RASGEF1A: variants seen among roughly 807,000 people sequenced by gnomAD.
RASGEF1A encodes the protein RasGEF domain family member 1A, also known as ras-GEF domain-containing family member 1A.
A neutral mutation model predicts 56.4 loss-of-function variants in RASGEF1A; 18 were observed. The observed-to-expected ratio is 0.32, with a 90% CI of 0.22 to 0.47. The LOEUF is 0.47. Ranked by LOEUF, RASGEF1A falls within the 20% of genes least tolerant of loss-of-function variation. The pLI, the probability that RASGEF1A is intolerant of heterozygous loss-of-function variation, is 1.00. For missense variants in RASGEF1A, 422 were observed against 627.1 expected (o/e 0.67, Z 3.49); for synonymous variants, 245 against 242.6 (o/e 1.01, Z -0.09).
At chr10:43,246,460 C>A (rs1046419881) in intron 1 of RASGEF1A, among the ~76,000 whole-genome samples, 1 of 152,190 alleles carries the variant, frequency 6.6e-6, no homozygotes, top group East Asian at 1.9e-4. Context: ...CTGGAACAAC[C>A]AAAACAGTCT....
intron 1 of RASGEF1A, among the ~76,000 whole-genome samples, chr10:43,237,221 G>A (rs1049027376): frequency 6.6e-5 from 10 of 152,200 alleles, no homozygotes; most frequent in Admixed American, 6.5e-4. Flanking sequence ...CTGCTCTATG[G>A]AAATTGGAGG....
At chr10:43,215,075 C>G (rs1840117635) in intron 1 of RASGEF1A, among the ~76,000 whole-genome samples, 2 of 152,224 alleles carry the variant, frequency 1.3e-5, no homozygotes, top group Non-Finnish European at 2.9e-5. Context: ...GACATGTGGA[C>G]AAGCACACAT....
chr10:43,236,899 T>G (rs1446108300), intron 1 of RASGEF1A, among the ~76,000 whole-genome samples: 1 of 151,190 alleles, frequency 6.6e-6, no homozygotes. Context: ...CTTAGGACCA[T>G]AGGGGGGTCT....
Position 43,209,968 on chromosome 10 carries a change from C to T in RASGEF1A, c.-6-3846G>A, listed in dbSNP as rs185055866. Among the ~76,000 whole-genome samples, 308 of 152,354 alleles carry T rather than the reference C, an allele frequency of 2.0e-3. 1 individual carries two copies. The highest frequency in any genetic ancestry group is 7.3e-3 in the African/African-American group (304 of 41,584). ...ACTGGCGTTCTAGACCCTTCCCCTA[C>T]AGCCTCTCAGTTCCAAGTGTGGCCG... On this transcript the variant is annotated intron_variant, in intron 1 of 12. Transcript: ENST00000395810.
chr10:43,237,930 G>A (rs1840452188), intron 1 of RASGEF1A, among the ~76,000 whole-genome samples: 1 of 152,212 alleles, frequency 6.6e-6, no homozygotes. Flanking sequence ...GGCAAACAGA[G>A]ACCCAGCCAT....
intron 1 of RASGEF1A, among the ~76,000 whole-genome samples, chr10:43,217,942 T>C (rs1030800313): frequency 6.6e-6 from 1 of 152,126 alleles, no homozygotes; most frequent in Admixed American, 6.5e-5. Context: ...GCTGAGGCCA[T>C]GCACAGCAGA....
At chr10:43,233,386 C>G (rs1840396060) in intron 1 of RASGEF1A, among the ~76,000 whole-genome samples, 1 of 152,158 alleles carries the variant, frequency 6.6e-6, no homozygotes, top group African/African-American at 2.4e-5. Flanking sequence ...ATATCCAGCA[C>G]AGGACTCATA....
Position 43,201,918 on chromosome 10 carries a change from T to A in RASGEF1A, c.349A>T (p.Ile117Phe). Residue 117 changes from isoleucine (I) to phenylalanine (F), a missense_variant, in exon 4 of 13, where the codon ATC (isoleucine) becomes TTC (phenylalanine). Physicochemically the swap from Ile to Phe is conservative, Grantham distance 21. Coordinates refer to ENST00000395810, the MANE Select transcript of RASGEF1A (RefSeq NM_145313.4). ...GTCCACTCCTTCAGGAGCTGCACGA[T>A]CTTGGCTGAGAAAGACTTCAGCTTG... ...KAKLKSFSAKIVQLLKEWTEA... is the reference protein window; with the variant it reads ...KAKLKSFSAKFVQLLKEWTEA... 6.2e-7 allele frequency: 1 copy of A among 1,610,070 alleles called. No homozygotes were observed. Among genetic ancestry groups the A allele is most frequent in the Non-Finnish European group, 8.5e-7 (1 of 1,177,510 alleles).
Position 43,240,162 on chromosome 10 carries a change from G to A in RASGEF1A, c.-7+26683C>T, listed in dbSNP as rs576938030. Among the ~76,000 whole-genome samples the A allele has an allele frequency of 2.0e-5, 3 of 152,294 alleles. No individual in the cohort carries two copies. In the East Asian group the frequency reaches 5.8e-4, roughly 29 times the overall value. On this transcript the variant is annotated intron_variant, in intron 1 of 12. Coordinates refer to ENST00000395810, the MANE Select transcript of RASGEF1A (RefSeq NM_145313.4). ...CTGAAAGCATACCCAAAGACACAGA[G>A]CCCCTTAGCGAAGACTGAGAACTTT... is the stretch of plus-strand genomic sequence containing the variant.
intron 1 of RASGEF1A, among the ~76,000 whole-genome samples, chr10:43,266,586 C>T (rs1836628636): frequency 6.7e-6 from 1 of 150,210 alleles, no homozygotes; most frequent in African/African-American, 2.4e-5. Context: ...CCTGAAGGGG[C>T]GGAGGGTGCA....
rs1839991693 is a variant in RASGEF1A at position 43,206,084 on chromosome 10, G to C, written c.33C>G (p.Ile11Met). MPQTSVVFSS[I>M]LGPSCSGQVQ... ...CCTGTCCGCTACAGCTGGGCCCAAGGATGCTGGAGAAGACAACGGACGTCT... is the reference window on the plus strand; with the variant it reads ...CCTGTCCGCTACAGCTGGGCCCAAGCATGCTGGAGAAGACAACGGACGTCT... The change falls in exon 2 of 13, where the codon ATC becomes ATG. Residue 11 changes from isoleucine to methionine, a missense_variant. Ile to Met is a conservative substitution (Grantham distance 10, BLOSUM62 1). Around this residue, in one of 2 missense-constraint regions of RASGEF1A, gnomAD observed 273 missense variants for 339.9 expected, o/e 0.80. Coordinates refer to ENST00000395810, the MANE Select transcript of RASGEF1A (RefSeq NM_145313.4). 2 of 1,601,216 alleles carry C rather than the reference G, an allele frequency of 1.2e-6. No homozygotes were observed. Among genetic ancestry groups the C allele is most frequent in the Admixed American group, 3.5e-5 (2 of 57,468 alleles).
intron 1 of RASGEF1A, among the ~76,000 whole-genome samples, chr10:43,209,720 G>A (rs572690407): frequency 2.6e-5 from 4 of 152,288 alleles, no homozygotes; most frequent in Non-Finnish European, 4.4e-5. Context: ...GGGCTGTGGC[G>A]GGCCAGCTTG....
At chr10:43,219,361 C>A (rs1298284115) in intron 1 of RASGEF1A, among the ~76,000 whole-genome samples, 2 of 152,212 alleles carry the variant, frequency 1.3e-5, no homozygotes, top group Non-Finnish European at 2.9e-5. Flanking sequence ...CCAGGGAGAC[C>A]CCTAGGGTGC....
intron 4 of RASGEF1A, 68 bp from the exon 5 acceptor site, chr10:43,200,956 G>A (rs1001144840): frequency 1.0e-4 from 147 of 1,427,798 alleles, no homozygotes; most frequent in Non-Finnish European, 1.4e-4. Flanking sequence ...CTGTGGGTAG[G>A]ATCCATCTCA....
intron 1 of RASGEF1A, among the ~76,000 whole-genome samples, chr10:43,256,011 T>C (rs1373153149): frequency 6.6e-6 from 1 of 152,198 alleles, no homozygotes; most frequent in Non-Finnish European, 1.5e-5. Flanking sequence ...CCCTCTCAGC[T>C]TGACTGCTCT....
At chr10:43,207,391 A>AACACACACACACACACACAC (rs3071764) in intron 1 of RASGEF1A, 2 of 802,604 alleles carry the variant, frequency 2.5e-6, no homozygotes, top group African/African-American at 2.2e-5. Flanking sequence ...CCCCCACGTC[A>AACACACACACACACACACAC]ACACACACAC....
chr10:43,235,470 G>T (rs1212665289), intron 1 of RASGEF1A, among the ~76,000 whole-genome samples: 1 of 152,230 alleles, frequency 6.6e-6, no homozygotes, highest in Admixed American at 6.5e-5. Flanking sequence ...AGAATCCAGG[G>T]TTTCAACAAT....
At position 43,198,331 on chromosome 10, in the gene RASGEF1A, G is replaced by C. The variant is rs966390257; in HGVS notation, c.1033-136C>G. 8 of 710,272 alleles carry C rather than the reference G, an allele frequency of 1.1e-5. No homozygotes were observed. In the East Asian group the frequency reaches 1.7e-4, roughly 15 times the overall value. 44.0% of individuals were successfully genotyped at this position (710,272 alleles called of 1,614,324 possible). A position where few individuals can be genotyped will look rare whatever the true frequency, so the allele number is the denominator to read the frequency against. On this transcript the variant is annotated intron_variant, in intron 9 of 12. Coordinates refer to ENST00000395810, the MANE Select transcript of RASGEF1A (RefSeq NM_145313.4). ...CTGGGCAGCCTGGGAGTTAGCACGG[G>C]GGAGGGGACGCCCAAGGGTGCCTGG...
At chr10:43,206,311 G>A (rs936351818) in intron 1 of RASGEF1A, among the ~76,000 whole-genome samples, 189 bp from the exon 2 acceptor site, 11 of 152,206 alleles carry the variant, frequency 7.2e-5, no homozygotes, top group South Asian at 2.1e-4. Flanking sequence ...CCCAGCCGCT[G>A]CACATCTGAT....
Sources: allele counts gnomAD v4.1 joint callset (sites outside exome capture counted in the v4.1 genomes callset), GRCh38; gene constraint gnomAD v4.1.1; regional missense constraint gnomAD v4.1.1; transcripts MANE v1.5; gene names NCBI Gene and HGNC (gene_info 2026-07-23, HGNC 2026-07-21).